The following FGF12 variants were observed in gnomAD, a reference collection of about 807,000 sequenced individuals.
The protein encoded by FGF12 is fibroblast growth factor 12B.
In FGF12, 14 loss-of-function variants were observed where a neutral mutation model predicts 23.6. The ratio of observed to expected loss-of-function variants is 0.59; its 90% confidence interval spans 0.39 to 0.93. The LOEUF is 0.93. Ranked by LOEUF, FGF12 falls within the 40% of genes least tolerant of loss-of-function variation. The pLI is 0.00. For missense variants in FGF12, 175 were observed against 217.8 expected, an observed-to-expected ratio of 0.80 and a Z score of 1.24; for synonymous variants, 62 against 77.3, an observed-to-expected ratio of 0.80 and a Z score of 1.04.
chr3:192,550,414 C>A (rs1725604950), intron 2 of FGF12, among the ~76,000 whole-genome samples: 1 of 149,030 alleles, frequency 6.7e-6, no homozygotes, highest in African/African-American at 2.5e-5. Flanking sequence ...ACATATATAA[C>A]ATATTATATA....
intron 2 of FGF12, among the ~76,000 whole-genome samples, chr3:192,423,555 T>C (rs759289187): frequency 1.2e-4 from 19 of 152,162 alleles, no homozygotes; most frequent in Non-Finnish European, 2.6e-4. Flanking sequence ...AAGATTTAGA[T>C]ATGGAATCAC....
At chr3:192,479,536 T>C (rs80350197) in intron 2 of FGF12, among the ~76,000 whole-genome samples, 1,800 of 152,294 alleles carry the variant, frequency 0.012, 33 homozygotes, top group African/African-American at 0.041. Flanking sequence ...AAAAAAAGTC[T>C]GCAGACTCTC....
At chr3:192,298,800 T>C (rs1440348659) in intron 4 of FGF12, among the ~76,000 whole-genome samples, 1 of 152,116 alleles carries the variant, frequency 6.6e-6, no homozygotes, top group Non-Finnish European at 1.5e-5. Flanking sequence ...ACAAGAAGCA[T>C]GGCACCAGCC....
At chr3:192,203,064 TA>T (rs562267067) in intron 4 of FGF12, among the ~76,000 whole-genome samples, 138 of 152,230 alleles carry the variant, frequency 9.1e-4, no homozygotes, top group African/African-American at 3.2e-3. Flanking sequence ...TATATAATAT[TA>T]GGAGGAAAAG....
chr3:192,438,720 A>G (rs1722101731), intron 2 of FGF12, among the ~76,000 whole-genome samples: 1 of 152,214 alleles, frequency 6.6e-6, no homozygotes, highest in Non-Finnish European at 1.5e-5. Flanking sequence ...TGAGTATTCC[A>G]ATAACAACGT....
Position 192,420,625 on chromosome 3 carries a change from G to T in FGF12, c.14-60087C>A, listed in dbSNP as rs542874062. Among the ~76,000 whole-genome samples, 3 of 152,280 alleles carry T rather than the reference G, an allele frequency of 2.0e-5. No individual in the cohort carries two copies. In the South Asian group the frequency reaches 6.2e-4, roughly 32 times the overall value. ...TCTCTCTTGCTCCCTCTCTAGCCATGTGGCACTAGCTGTTCCCCCTTCGCC... is the reference window on the plus strand; with the variant it reads ...TCTCTCTTGCTCCCTCTCTAGCCATTTGGCACTAGCTGTTCCCCCTTCGCC... On this transcript the variant is annotated intron_variant, in intron 2 of 5. Coordinates refer to ENST00000445105, the MANE Select transcript of FGF12 (RefSeq NM_004113.6).
At chr3:192,449,975 A>G (rs931458339) in intron 2 of FGF12, among the ~76,000 whole-genome samples, 1 of 152,120 alleles carries the variant, frequency 6.6e-6, no homozygotes, top group Non-Finnish European at 1.5e-5. Context: ...TGTTACTTCA[A>G]TCCACATTAC....
chr3:192,611,282 T>C (rs1385270210), intron 2 of FGF12, among the ~76,000 whole-genome samples: 2 of 152,092 alleles, frequency 1.3e-5, no homozygotes, highest in African/African-American at 2.4e-5. Flanking sequence ...TTGAAAAGCA[T>C]GTATGGCTAC....
intron 2 of FGF12, among the ~76,000 whole-genome samples, chr3:192,582,466 G>A (rs749651662): frequency 5.9e-5 from 9 of 152,120 alleles, no homozygotes; most frequent in Admixed American, 1.3e-4. Context: ...ATGGGCTGAC[G>A]TTTGACAAGG....
intron 2 of FGF12, among the ~76,000 whole-genome samples, chr3:192,381,217 C>T (rs1419188192): frequency 2.0e-5 from 3 of 152,006 alleles, no homozygotes; most frequent in South Asian, 2.1e-4. Flanking sequence ...AAACAGCACC[C>T]GACCATCTAT....
chr3:192,538,829 A>T (rs1397355616), intron 2 of FGF12, among the ~76,000 whole-genome samples: 4 of 152,134 alleles, frequency 2.6e-5, no homozygotes, highest in African/African-American at 9.7e-5. Context: ...TCAATGTTTT[A>T]TAGTTTTCAT....
intron 2 of FGF12, among the ~76,000 whole-genome samples, chr3:192,511,047 G>A (rs537465607): frequency 6.6e-6 from 1 of 152,182 alleles, no homozygotes; most frequent in South Asian, 2.1e-4. Context: ...CCACATCAAG[G>A]CCACTTGATG....
At chr3:192,149,408 C>A (rs886817021) in intron 5 of FGF12, among the ~76,000 whole-genome samples, 110 of 145,152 alleles carry the variant, frequency 7.6e-4, no homozygotes, top group African/African-American at 2.6e-3. Context: ...TGGTGCACTG[C>A]ACCCACTAAC....
chr3:192,209,994 G>C (rs1272248545), intron 4 of FGF12, among the ~76,000 whole-genome samples: 2 of 152,090 alleles, frequency 1.3e-5, no homozygotes, highest in Non-Finnish European at 2.9e-5. Context: ...TTTTTCACTG[G>C]GCTTCTGTTT....
chr3:192,189,553 G>A (rs879413546), intron 4 of FGF12, among the ~76,000 whole-genome samples: 1 of 152,170 alleles, frequency 6.6e-6, no homozygotes, highest in Admixed American at 6.5e-5. Context: ...TTTAGATGAA[G>A]TGAAATGAGC....
chr3:192,505,625 T>C (rs1724268425), intron 2 of FGF12, among the ~76,000 whole-genome samples: 1 of 152,204 alleles, frequency 6.6e-6, no homozygotes, highest in South Asian at 2.1e-4. Context: ...TCTGAATATA[T>C]ATATAATCAC....
At chr3:192,600,852 A>T (rs1666819168) in intron 2 of FGF12, among the ~76,000 whole-genome samples, 2 of 152,076 alleles carry the variant, frequency 1.3e-5, no homozygotes. Context: ...GTTGATGAAA[A>T]TGTAAACTCA....
intron 2 of FGF12, among the ~76,000 whole-genome samples, chr3:192,567,715 A>G (rs954863743): frequency 1.8e-4 from 27 of 151,116 alleles, no homozygotes; most frequent in African/African-American, 5.6e-4. Flanking sequence ...CTCCATTTTT[A>G]CATGGTCTTC....
At position 192,463,906 on chromosome 3, in the gene FGF12, CTCCTGCCAGTGT is replaced by C. The variant is rs150021955; in HGVS notation, c.14-103380_14-103369del. Among the ~76,000 whole-genome samples, 886 of 152,262 alleles carry C rather than the reference CTCCTGCCAGTGT, an allele frequency of 5.8e-3. 8 individuals are homozygous for C. The highest frequency in any genetic ancestry group is 0.021 in the African/African-American group (862 of 41,552). ...TGCTTTATTATCGTCCATACTATGA[CTCCTGCCAGTGT>C]TCCCAACCCAAACCCGGCTCACTGG... is the stretch of plus-strand genomic sequence containing the variant. On this transcript the variant is annotated intron_variant, in intron 2 of 5. Coordinates refer to ENST00000445105, the MANE Select transcript of FGF12 (RefSeq NM_004113.6).
Sources: gnomAD v4.1 joint callset for allele counts (sites outside exome capture counted in the v4.1 genomes callset) on GRCh38, gnomAD v4.1.1 for gene constraint, MANE v1.5 for transcripts, NCBI Gene and HGNC (gene_info 2026-07-23, HGNC 2026-07-21) for gene names.